Variants in CNTN5 observed in about 807,000 individuals in gnomAD.
The protein encoded by CNTN5 is contactin 5.
In CNTN5, 77 loss-of-function variants were observed where a neutral mutation model predicts 129.1. The ratio of observed to expected loss-of-function variants is 0.60; its 90% CI spans 0.50 to 0.72. The LOEUF is 0.72. Ranked by LOEUF, CNTN5 falls within the 30% of genes least tolerant of loss-of-function variation. CNTN5 has a pLI of 0.00. For missense variants in CNTN5, 1,478 were observed against 1,328.8 expected (o/e 1.11, Z -1.75); for synonymous variants, 509 against 465.6 (o/e 1.09, Z -1.20).
chr11:99,456,899 T>A (rs1457412179), intron 2 of CNTN5, among the ~76,000 whole-genome samples: 1 of 152,088 alleles, frequency 6.6e-6, no homozygotes, highest in East Asian at 1.9e-4. Flanking sequence ...AATATTTTAA[T>A]GAAAGTAGTA....
chr11:100,119,382 T>G (rs1254802654), intron 13 of CNTN5, among the ~76,000 whole-genome samples: 1 of 151,934 alleles, frequency 6.6e-6, no homozygotes, highest in Non-Finnish European at 1.5e-5. Flanking sequence ...TTGTTGCTAT[T>G]TGGTGATTGC....
At chr11:99,946,771 C>G (rs1950561712) in intron 7 of CNTN5, among the ~76,000 whole-genome samples, 1 of 149,764 alleles carries the variant, frequency 6.7e-6, no homozygotes, top group African/African-American at 2.5e-5. Context: ...GATATACTTT[C>G]TTTTTTATGT....
At chr11:100,212,419 G>A in intron 15 of CNTN5, among the ~76,000 whole-genome samples, 1 of 152,072 alleles carries the variant, frequency 6.6e-6, no homozygotes, top group East Asian at 1.9e-4. Flanking sequence ...TTTCCTTTCT[G>A]TGGGACAGAT....
intron 2 of CNTN5, among the ~76,000 whole-genome samples, chr11:99,484,083 C>T (rs1047773145): frequency 5.9e-5 from 9 of 151,876 alleles, no homozygotes; most frequent in African/African-American, 2.2e-4. Context: ...AAAACGTCTA[C>T]ACAACAAAGG....
At chr11:100,170,470 C>T (rs1947789689) in intron 13 of CNTN5, among the ~76,000 whole-genome samples, 1 of 152,010 alleles carries the variant, frequency 6.6e-6, no homozygotes, top group African/African-American at 2.4e-5. Context: ...AAGCCCTACA[C>T]TCAACCAACA....
At chr11:99,991,967 C>T (rs1939131876) in intron 8 of CNTN5, among the ~76,000 whole-genome samples, 1 of 152,136 alleles carries the variant, frequency 6.6e-6, no homozygotes, top group Non-Finnish European at 1.5e-5. Context: ...ACAGTGGCTC[C>T]TATTCAACTC....
At chr11:99,831,312 AGTT>A (rs1447939467) in intron 4 of CNTN5, among the ~76,000 whole-genome samples, 2 of 152,154 alleles carry the variant, frequency 1.3e-5, no homozygotes, top group Non-Finnish European at 2.9e-5. Context: ...TCCTGCAAAA[AGTT>A]GTTGAGATGC....
intron 7 of CNTN5, among the ~76,000 whole-genome samples, chr11:99,950,397 C>T (rs1950645302): frequency 6.6e-6 from 1 of 152,142 alleles, no homozygotes; most frequent in Admixed American, 6.5e-5. Flanking sequence ...AGGAGAATGG[C>T]GTGAACCTGG....
chr11:99,971,111 C>G (rs141618355), intron 8 of CNTN5, among the ~76,000 whole-genome samples: 269 of 152,250 alleles, frequency 1.8e-3, no homozygotes, highest in African/African-American at 5.7e-3. Context: ...ATTCATCTGC[C>G]ACTTTCATAA....
intron 18 of CNTN5, among the ~76,000 whole-genome samples, chr11:100,292,654 C>G (rs977445918): frequency 6.6e-6 from 1 of 151,908 alleles, no homozygotes; most frequent in Admixed American, 6.6e-5. Context: ...CTATTGACAG[C>G]TGGGGTTGGA....
chr11:99,718,952 A>G (rs764848924), intron 3 of CNTN5, among the ~76,000 whole-genome samples: 5 of 152,114 alleles, frequency 3.3e-5, no homozygotes, highest in Non-Finnish European at 5.9e-5. Flanking sequence ...CGGTAATAGA[A>G]AGGGCTTTTA....
intron 3 of CNTN5, among the ~76,000 whole-genome samples, chr11:99,698,260 C>G (rs929989994): frequency 2.0e-5 from 2 of 101,518 alleles, no homozygotes; most frequent in African/African-American, 7.7e-5. Flanking sequence ...CAAATATTTT[C>G]TGTTTAACAG....
At chr11:99,348,762 A>T (rs1167384566) in intron 2 of CNTN5, among the ~76,000 whole-genome samples, 1 of 152,142 alleles carries the variant, frequency 6.6e-6, no homozygotes, top group African/African-American at 2.4e-5. Flanking sequence ...TACATGTAAG[A>T]TCTGTGGTTT....
intron 3 of CNTN5, among the ~76,000 whole-genome samples, chr11:99,684,701 A>G (rs1953709764): frequency 6.6e-6 from 1 of 151,940 alleles, no homozygotes; most frequent in South Asian, 2.1e-4. Context: ...TTAGTGTTTT[A>G]TTCTAGAAAT....
intron 2 of CNTN5, among the ~76,000 whole-genome samples, chr11:99,385,283 C>T (rs1227301660): frequency 6.6e-6 from 1 of 152,100 alleles, no homozygotes; most frequent in Admixed American, 6.6e-5. Context: ...TTTTGATCAA[C>T]ATCAACGTCT....
intron 1 of CNTN5, among the ~76,000 whole-genome samples, chr11:99,044,670 G>A (rs1197393114): frequency 6.6e-6 from 1 of 152,178 alleles, no homozygotes; most frequent in Non-Finnish European, 1.5e-5. Context: ...ACTTGGCATG[G>A]ATAATTCTCG....
intron 7 of CNTN5, among the ~76,000 whole-genome samples, chr11:99,955,704 GC>G (rs1439211296): frequency 6.6e-6 from 1 of 151,436 alleles, no homozygotes; most frequent in East Asian, 1.9e-4. Flanking sequence ...GACTACTGGT[GC>G]CCACCACCAG....
At chr11:99,494,083 A>G (rs1214838310) in intron 2 of CNTN5, among the ~76,000 whole-genome samples, 1 of 152,230 alleles carries the variant, frequency 6.6e-6, no homozygotes, top group Non-Finnish European at 1.5e-5. Flanking sequence ...AGATGCCTCC[A>G]CATTTATTTA....
At chr11:99,668,785 T>G (rs960780756) in intron 3 of CNTN5, among the ~76,000 whole-genome samples, 2 of 151,964 alleles carry the variant, frequency 1.3e-5, no homozygotes, top group African/African-American at 4.8e-5. Context: ...AGAAATAAAA[T>G]TAGCCGGGTG....
Sources: allele counts gnomAD v4.1 joint callset (sites outside exome capture counted in the v4.1 genomes callset), GRCh38; gene constraint gnomAD v4.1.1; transcripts MANE v1.5; gene names NCBI Gene and HGNC (gene_info 2026-07-23, HGNC 2026-07-21).